The following CNTNAP1 variants were observed in gnomAD, a reference collection of about 807,000 sequenced individuals.
CNTNAP1 encodes the protein contactin-associated protein 1.
Under a neutral mutation model 161.5 loss-of-function variants are expected in CNTNAP1, and 80 were observed. The observed-to-expected ratio is 0.50, with a 90% confidence interval of 0.41 to 0.60. CNTNAP1 has a LOEUF of 0.60. CNTNAP1 is among the 20% of genes least tolerant of loss of function. CNTNAP1 has a pLI of 0.00. For missense variants in CNTNAP1, 1,464 were observed against 1,854.8 expected, an observed-to-expected ratio of 0.79 and a Z score of 3.87; for synonymous variants, 695 against 733.1, an observed-to-expected ratio of 0.95 and a Z score of 0.84.
chr17:42,690,901 TC>T lies in CNTNAP1; in HGVS notation c.2019del (p.Ile673MetfsTer74). 6.2e-7 allele frequency: 1 copy of T among 1,614,210 alleles called. No homozygotes were observed. The highest frequency in any genetic ancestry group is 8.5e-7 in the Non-Finnish European group (1 of 1,180,036). Reference protein sequence around the residue: ...ANASQHCEQWIEFSCYNSRLL... With the variant: ...ANASQHCEQWXEFSCYNSRLL... ...GCTTCCCAGCATTGTGAACAGTGGA[TC>T]GAGTTCTCCTGCTACAATTCCCGGC... is the stretch of plus-strand genomic sequence containing the variant. On this transcript the variant is annotated frameshift_variant, in exon 13 of 24. Coordinates refer to ENST00000264638, the MANE Select transcript of CNTNAP1 (RefSeq NM_003632.3). LOFTEE classifies it high-confidence loss of function.
Position 42,691,607 on chromosome 17 carries a change from C to G in CNTNAP1, c.2344+96C>G. ...TCACTGGTGGTCTCTAGCTGGGGTG[C>G]CCGACCCCCAGCTCCTGCTGTGATG... On this transcript the variant is annotated intron_variant, in intron 15 of 23. Coordinates refer to ENST00000264638, the MANE Select transcript of CNTNAP1 (RefSeq NM_003632.3). This position sits in a 1 kb window ranked among gnomAD's most constrained non-coding sequence, Gnocchi z 4.3. 1.3e-6 allele frequency: 2 copies of G among 1,543,072 alleles called. No homozygotes were observed. Among genetic ancestry groups the G allele is most frequent in the Non-Finnish European group, 1.8e-6 (2 of 1,135,230 alleles).
chr17:42,697,231 C>T, intron 20 of CNTNAP1, 43 bp from the exon 21 acceptor site: 1 of 1,393,818 alleles, frequency 7.2e-7, no homozygotes, highest in Non-Finnish European at 1.0e-6. Context: ...TGCTTCTGGT[C>T]CCCGCTCCCT....
Position 42,691,049 on chromosome 17 carries a change from G to A in CNTNAP1, c.2060-88G>A, listed in dbSNP as rs1191010327. ...GGGGCCTTGGGTTGGAAGATTCAAG[G>A]AGGGGTCTGAACTCGCTGGAAGGGC... is the stretch of plus-strand genomic sequence containing the variant. On this transcript the variant is annotated intron_variant, in intron 13 of 23. Transcript: ENST00000264638. The surrounding 1 kb of genome is among the most constrained non-coding windows in gnomAD (Gnocchi z 4.3). 1 of 1,595,808 alleles carries A rather than the reference G, an allele frequency of 6.3e-7. No homozygotes were observed. The highest frequency in any genetic ancestry group is 8.5e-7 in the Non-Finnish European group (1 of 1,169,708).
rs2053163798 is a variant in CNTNAP1, at chr17:42,697,290, T to C, written c.3491T>C (p.Leu1164Pro). Residue 1164 changes from leucine (L) to proline (P), a missense_variant, in exon 21 of 24, where the codon CTG (leucine) becomes CCG (proline). Physicochemically the swap from Leu to Pro is moderately conservative, Grantham distance 98 (BLOSUM62 -3). Around this residue, in one of 3 missense-constraint regions of CNTNAP1, gnomAD observed 1,383 missense variants for 1,765.0 expected, o/e 0.78. Coordinates refer to ENST00000264638, the MANE Select transcript of CNTNAP1 (RefSeq NM_003632.3). ...NLFIQVDYFP[L>P]TEQKFSLLVD... is the part of the protein sequence containing the mutation. Reference sequence around the variant, plus strand: ...CCACCTCAGGTGGACTACTTCCCACTGACAGAGCAGAAGTTCTCGCTGTTG... The same window carrying C: ...CCACCTCAGGTGGACTACTTCCCACCGACAGAGCAGAAGTTCTCGCTGTTG... The C allele has an allele frequency of 6.7e-7, 1 of 1,503,620 alleles. No individual in the cohort carries two copies. Among genetic ancestry groups the C allele is most frequent in the Admixed American group, 1.7e-5 (1 of 57,458 alleles). 93.1% of individuals were successfully genotyped at this position (1,503,620 alleles called of 1,614,324 possible).
chr17:42,683,658 C>A, intron 1 of CNTNAP1, 163 bp from the exon 2 acceptor site: 2 of 1,435,608 alleles, frequency 1.4e-6, no homozygotes, highest in East Asian at 5.0e-5. Context: ...GCAGCTGTTG[C>A]TGCAGCCAGG....
At chr17:42,689,120 C>A in intron 10 of CNTNAP1, 73 bp downstream of exon 10, 1 of 1,422,216 alleles carries the variant, frequency 7.0e-7, no homozygotes, top group Non-Finnish European at 9.5e-7. Flanking sequence ...GGAATGGCCT[C>A]TTTCAATAAT....
chr17:42,697,462 CAGTGGGAAGGATG>C, intron 21 of CNTNAP1, 79 bp from the exon 22 acceptor site: 1 of 1,605,980 alleles, frequency 6.2e-7, no homozygotes, highest in South Asian at 1.1e-5. Flanking sequence ...TGGCTGAGGG[CAGTGGGAAGGATG>C]AGTGGGAAAC....
intron 12 of CNTNAP1, 74 bp downstream of exon 12, chr17:42,690,281 T>TA (rs2053068328): frequency 1.3e-6 from 2 of 1,557,920 alleles, no homozygotes; most frequent in Non-Finnish European, 1.8e-6. Flanking sequence ...GGGGGCCAGT[T>TA]AGACTAAACA....
chr17:42,694,206 T>C (rs940597266), intron 18 of CNTNAP1, among the ~76,000 whole-genome samples: 12 of 147,532 alleles, frequency 8.1e-5, no homozygotes, highest in African/African-American at 3.0e-4. Context: ...AGTTTCACTC[T>C]TGTTGCCCAG....
Position 42,685,519 on chromosome 17 carries a change from C to A in CNTNAP1, c.715+99C>A. Reference sequence around the variant, plus strand: ...TCCGCGCATCCGCGCTCAGCCTGGTCTTCCACTTCTCTAAGGCCTGGACCA... The same window carrying A: ...TCCGCGCATCCGCGCTCAGCCTGGTATTCCACTTCTCTAAGGCCTGGACCA... On this transcript the variant is annotated intron_variant, in intron 5 of 23. Coordinates refer to ENST00000264638, the MANE Select transcript of CNTNAP1 (RefSeq NM_003632.3). The surrounding 1 kb of genome is among the most constrained non-coding windows in gnomAD (Gnocchi z 5.0). 1 of 1,176,636 alleles carries A rather than the reference C, an allele frequency of 8.5e-7. No homozygotes were observed. 72.9% of individuals were successfully genotyped at this position (1,176,636 alleles called of 1,614,324 possible). A position where few individuals can be genotyped will look rare whatever the true frequency, so the allele number is the denominator to read the frequency against.
chr17:42,695,173 C>G (rs1256632531), intron 18 of CNTNAP1, among the ~76,000 whole-genome samples: 1 of 152,148 alleles, frequency 6.6e-6, no homozygotes, highest in African/African-American at 2.4e-5. Context: ...TCTCGAACTC[C>G]TGACCTCAAG....
In CNTNAP1 at chr17:42,687,855, C is replaced by T. The variant is rs1597806044; in HGVS notation, c.1180C>T (p.Leu394Phe). ...CTCATTTCGCTTCCGCACCTGGGAC[C>T]TCACCGGGCTTCTCCTTTTCTCCCG... ...AVSFRFRTWDLTGLLLFSRLG... is the reference protein window; with the variant it reads ...AVSFRFRTWDFTGLLLFSRLG... The change falls in exon 8 of 24, where the codon CTC becomes TTC. Residue 394 changes from leucine to phenylalanine, a missense_variant. By Grantham distance (22) the Leu-to-Phe change is conservative. This residue lies in a region of CNTNAP1 where 1,383 missense variants were observed against 1,765.0 expected (regional missense o/e 0.78). Coordinates refer to ENST00000264638, the MANE Select transcript of CNTNAP1 (RefSeq NM_003632.3). The surrounding 1 kb of genome is among the most constrained non-coding windows in gnomAD (Gnocchi z 4.7). The T allele has an allele frequency of 1.2e-6, 2 of 1,614,262 alleles. No homozygotes were observed. The highest frequency in any genetic ancestry group is 2.2e-5 in the South Asian group (2 of 91,086).
chr17:42,693,275 A>G, intron 17 of CNTNAP1, 22 bp from the exon 18 acceptor site: 1 of 1,612,068 alleles, frequency 6.2e-7, no homozygotes, highest in Non-Finnish European at 8.5e-7. Flanking sequence ...CCATTTCTTG[A>G]CCTGTTGCCT....
chr17:42,686,921 G>A lies in CNTNAP1; in HGVS notation c.919G>A (p.Val307Met). The change falls in exon 7 of 24, where the codon GTG (valine) becomes ATG (methionine). Residue 307 changes from valine (V) to methionine (M), a missense_variant. Val to Met is a conservative substitution (Grantham distance 21, BLOSUM62 1). Transcript: ENST00000264638. The stretch of plus-strand genomic sequence containing the variant: ...CCCGCAGATGTTCATCGGAGGTCTG[G>A]TGGGCGCCGCGCGGAAGAACCTGGC... ...LDTEMFIGGL[V>M]GAARKNLAYR... The A allele has an allele frequency of 1.9e-6, 3 of 1,610,580 alleles. No homozygotes were observed. Among genetic ancestry groups the A allele is most frequent in the Middle Eastern group, 1.7e-4 (1 of 5,986 alleles).
intron 11 of CNTNAP1, 47 bp from the exon 12 acceptor site, chr17:42,690,041 G>C: frequency 6.2e-7 from 1 of 1,600,216 alleles, no homozygotes; most frequent in Non-Finnish European, 8.5e-7. Flanking sequence ...CACCTGGCCA[G>C]CCCTCTAACT....
In CNTNAP1 at chr17:42,695,714, C is replaced by A; in HGVS notation, c.3186C>A (p.Tyr1062Ter). Residue 1062 changes from tyrosine to a stop codon, truncating the protein, a stop_gained, in exon 19 of 24, where the codon TAC becomes TAA. Transcript: ENST00000264638. LOFTEE classifies it high-confidence loss of function. Reference sequence around the variant, plus strand: ...GCCCCGGGTACCGCCTGCCCGACTACCCCCGGCCTGGTCGGCCTGTGCCCG... The same window carrying A: ...GCCCCGGGTACCGCCTGCCCGACTAACCCCGGCCTGGTCGGCCTGTGCCCG... ...YHGPGYRLPDYPRPGRPVPGY... is the reference protein window; with the variant it reads ...YHGPGYRLPD 1 of 1,614,206 alleles carries A rather than the reference C, an allele frequency of 6.2e-7. No homozygotes were observed.
rs543933988 is a variant in CNTNAP1 at position 42,684,987 on chromosome 17, G to A, written c.364-4G>A. On this transcript the variant is annotated splice_polypyrimidine_tract_variant and splice_region_variant and intron_variant, in intron 3 of 23. Transcript: ENST00000264638. Reference sequence around the variant, plus strand: ...GTGGTTACTACTCTCCTCCACCCCCGCAGACCTTCTTTGGTAACGTGAACG... The same window carrying A: ...GTGGTTACTACTCTCCTCCACCCCCACAGACCTTCTTTGGTAACGTGAACG... 2.8e-5 allele frequency: 45 copies of A among 1,606,772 alleles called. 1 individual carries two copies. The South Asian group carries it at 4.6e-4, about 16-fold the overall frequency.
In CNTNAP1 at chr17:42,688,979, T is replaced by A. The variant is rs201205776; in HGVS notation, c.1560T>A (p.Thr520=). 1.9e-6 allele frequency: 3 copies of A among 1,613,304 alleles called. No homozygotes were observed. Among genetic ancestry groups the A allele is most frequent in the Non-Finnish European group, 2.5e-6 (3 of 1,179,658 alleles). The change falls in exon 10 of 24, where the codon ACT becomes ACA. Residue 520 remains threonine, a synonymous_variant. Coordinates refer to ENST00000264638, the MANE Select transcript of CNTNAP1 (RefSeq NM_003632.3). ...LKVDGQLVNL[T]LVEGRRLGFY... ...TGGATGGTCAACTGGTCAACCTGAC[T>A]CTGGTGGAGGGCCGGCGGCTTGGAT...
chr17:42,689,614 G>T lies in CNTNAP1; in HGVS notation c.1722G>T (p.Glu574Asp), dbSNP rs1195262755. 6.2e-7 allele frequency: 1 copy of T among 1,613,736 alleles called. No individual in the cohort carries two copies. Among genetic ancestry groups the T allele is most frequent in the African/African-American group, 1.3e-5 (1 of 74,918 alleles). The change falls in exon 11 of 24, where the codon GAG (glutamate) becomes GAT (aspartate). Residue 574 changes from glutamate to aspartate, a missense_variant. Around this residue, in one of 3 missense-constraint regions of CNTNAP1, gnomAD observed 1,383 missense variants for 1,765.0 expected, o/e 0.78. Coordinates refer to ENST00000264638, the MANE Select transcript of CNTNAP1 (RefSeq NM_003632.3). ...CYCELTGYKGETCHTPLYKES... is the reference protein window; with the variant it reads ...CYCELTGYKGDTCHTPLYKES... ...GCGAACTGACGGGCTACAAGGGAGAGACCTGCCACACACGTAAGCCAGATG... is the reference window on the plus strand; with the variant it reads ...GCGAACTGACGGGCTACAAGGGAGATACCTGCCACACACGTAAGCCAGATG...
Sources: allele counts gnomAD v4.1 joint callset (sites outside exome capture counted in the v4.1 genomes callset), GRCh38; gene constraint gnomAD v4.1.1; regional missense constraint gnomAD v4.1.1; non-coding constraint Gnocchi (gnomAD v3.1); transcripts MANE v1.5; gene names NCBI Gene and HGNC (gene_info 2026-07-23, HGNC 2026-07-21).